The following NDST2 variants were observed in gnomAD, a reference collection of about 807,000 sequenced individuals.
NDST2 encodes the protein N-deacetylase and N-sulfotransferase 2, also known as bifunctional heparan sulfate N-deacetylase/N-sulfotransferase 2.
NDST2 carries 32 observed loss-of-function variants against 86.9 expected under a neutral mutation model. The observed-to-expected ratio is 0.37, with a 90% CI of 0.28 to 0.49. The LOEUF is 0.49. Among genes scored for constraint, NDST2 ranks in the 20% least tolerant of loss-of-function variants. The probability of loss-of-function intolerance (pLI) is 0.97; values close to 1 mark genes in which losing one functional copy is unlikely to be tolerated. For synonymous variants in NDST2, 409 were observed against 437.0 expected, an observed-to-expected ratio of 0.94 and a Z score of 0.80; for missense variants, 950 against 1,146.9, an observed-to-expected ratio of 0.83 and a Z score of 2.48.
chr10:73,803,519 T>TGGGGGGGGGGGGGGGGGG, intron 11 of NDST2, 55 bp downstream of exon 11: 1 of 565,894 alleles, frequency 1.8e-6, no homozygotes, highest in Non-Finnish European at 3.4e-6. Context: ...GCAGTCACTG[T>TGGGGGGGGGGGGGGGGGG]CCCCTCCCCC....
rs749563611 is a variant in NDST2, at chr10:73,802,424, A to G, written c.*27T>C. 1 of 1,611,822 alleles carries G rather than the reference A, an allele frequency of 6.2e-7. No homozygotes were observed. Among genetic ancestry groups the G allele is most frequent in the Non-Finnish European group, 8.5e-7 (1 of 1,179,886 alleles). On this transcript the variant is annotated 3_prime_UTR_variant, in exon 15 of 15. Transcript: ENST00000309979. ...CCTGCCCCTTAGGGAAGCAGGGGGC[A>G]TTTTGCTGGTATGGGAGGCTGGGAC...
chr10:73,805,235 G>A (rs535078100), intron 8 of NDST2, among the ~76,000 whole-genome samples: 1 of 151,924 alleles, frequency 6.6e-6, no homozygotes, highest in African/African-American at 2.4e-5. Context: ...CACCCCGGCT[G>A]GGCGCAGTGG....
rs1416250689 is a variant in NDST2 at position 73,807,795 on chromosome 10, C to A, written c.594G>T (p.Arg198=). 6.2e-7 allele frequency: 1 copy of A among 1,614,110 alleles called. No individual in the cohort carries two copies. Among genetic ancestry groups the A allele is most frequent in the Non-Finnish European group, 8.5e-7 (1 of 1,180,020 alleles). ...GGGCAGAAGGATTCACTTGGTAGTCCCGGAGCCCCAAGTTTGAGTGTAAAA... is the reference window on the plus strand; with the variant it reads ...GGGCAGAAGGATTCACTTGGTAGTCACGGAGCCCCAAGTTTGAGTGTAAAA... ...PLFLHSNLGL[R]DYQVNPSAPL... is the part of the protein sequence containing the mutation. The change falls in exon 3 of 15, where the codon CGG becomes CGT. Residue 198 remains arginine, a synonymous_variant. Coordinates refer to ENST00000309979, the MANE Select transcript of NDST2 (RefSeq NM_003635.4).
rs1354969811 is a variant in NDST2, at chr10:73,805,575, C to A, written c.1746+12G>T. The A allele has an allele frequency of 6.2e-7, 1 of 1,613,550 alleles. No individual in the cohort carries two copies. Among genetic ancestry groups the A allele is most frequent in the Admixed American group, 1.7e-5 (1 of 60,014 alleles). On this transcript the variant is annotated intron_variant, in intron 8 of 14. Transcript: ENST00000309979. ...CTATCATGTCTCTCATCAGACTGAG[C>A]TCCACCTTTACCTGCCAAAGGGGGC...
Position 73,808,150 on chromosome 10 carries a change from G to C in NDST2, c.239C>G (p.Thr80Arg), listed in dbSNP as rs757163423. The C allele has an allele frequency of 6.2e-7, 1 of 1,614,264 alleles. No individual in the cohort carries two copies. The highest frequency in any genetic ancestry group is 8.5e-7 in the Non-Finnish European group (1 of 1,180,042). ...VPPRPPRPPE[T>R]ARTEPVVLVF... ...AAGGACCACGGGTTCAGTTCGAGCT[G>C]TCTCTGGAGGCCTGGGGGGCCGAGG... Residue 80 changes from threonine to arginine, a missense_variant, in exon 3 of 15, where the codon ACA becomes AGA. Thr to Arg is a moderately conservative substitution (Grantham distance 71). Transcript: ENST00000309979. This position sits in a 1 kb window ranked among gnomAD's most constrained non-coding sequence, Gnocchi z 4.3.
In NDST2 at chr10:73,807,113, T is replaced by G. The variant is rs747038039; in HGVS notation, c.1088A>C (p.His363Pro). 6.2e-7 allele frequency: 1 copy of G among 1,613,502 alleles called. No individual in the cohort carries two copies. The highest frequency in any genetic ancestry group is 2.2e-5 in the East Asian group (1 of 44,860). ...GAGTAGGGGTATAAGCTCACCAGTATGATAGAACTTGCCCGAGAAGCCCAA... is the reference window on the plus strand; with the variant it reads ...GAGTAGGGGTATAAGCTCACCAGTAGGATAGAACTTGCCCGAGAAGCCCAA... Reference protein sequence around the residue: ...FNLGFSGKFYHTGTEEEDAGD... With the variant: ...FNLGFSGKFYPTGTEEEDAGD... The change falls in exon 4 of 15, where the codon CAT (histidine) becomes CCT (proline). Residue 363 changes from histidine to proline, a missense_variant. Around this residue, in one of 5 missense-constraint regions of NDST2, gnomAD observed 586 missense variants for 714.0 expected, o/e 0.82. Coordinates refer to ENST00000309979, the MANE Select transcript of NDST2 (RefSeq NM_003635.4).
rs1177765880 is a variant in NDST2, at chr10:73,810,872, G to A, written c.-415C>T. Reference sequence around the variant, plus strand: ...GTCAGGCCTGTCAAGCTCCAGAGCCGCGTTCTTAGCCGCTGCATTTTAGCT... The same window carrying A: ...GTCAGGCCTGTCAAGCTCCAGAGCCACGTTCTTAGCCGCTGCATTTTAGCT... On this transcript the variant is annotated 5_prime_UTR_variant, in exon 2 of 15. Coordinates refer to ENST00000309979, the MANE Select transcript of NDST2 (RefSeq NM_003635.4). 5.0e-6 allele frequency: 2 copies of A among 399,068 alleles called. No homozygotes were observed. Among genetic ancestry groups the A allele is most frequent in the Non-Finnish European group, 8.8e-6 (2 of 226,124 alleles). 24.7% of individuals were successfully genotyped at this position (399,068 alleles called of 1,614,324 possible).
At chr10:73,804,903 T>C (rs1215742569) in intron 8 of NDST2, 34 bp from the exon 9 acceptor site, 1 of 313,118 alleles carries the variant, frequency 3.2e-6, no homozygotes, top group Non-Finnish European at 5.0e-6. Flanking sequence ...ATAAGGCCTA[T>C]TTTTTTTTTT....
Position 73,805,604 on chromosome 10 carries a change from G to A in NDST2, c.1729C>T (p.Arg577Ter), listed in dbSNP as rs754863971. ...ACCTTTACCTGCCAAAGGGGGCTTC[G>A]CTCCTGAGGGAAAAGTTCAAAGTAC... ...QKYFELFPQE[R>*]SPLWQNPCDD... is the part of the protein sequence containing the mutation. The change falls in exon 8 of 15, where the codon CGA becomes TGA. Residue 577 changes from arginine to a stop codon, truncating the protein, a stop_gained. Transcript: ENST00000309979. LOFTEE classifies it high-confidence loss of function. 3 of 1,614,080 alleles carry A rather than the reference G, an allele frequency of 1.9e-6. No individual in the cohort carries two copies. The highest frequency in any genetic ancestry group is 3.3e-5 in the Admixed American group (2 of 60,016).
At position 73,808,371 on chromosome 10, in the gene NDST2, C is replaced by G; in HGVS notation, c.18G>C (p.Lys6Asn). Residue 6 changes from lysine to asparagine, a missense_variant, in exon 3 of 15, where the codon AAG becomes AAC. Around this residue, in one of 5 missense-constraint regions of NDST2, gnomAD observed 38 missense variants for 42.5 expected, o/e 0.89. Coordinates refer to ENST00000309979, the MANE Select transcript of NDST2 (RefSeq NM_003635.4). This position sits in a 1 kb window ranked among gnomAD's most constrained non-coding sequence, Gnocchi z 4.3. MLQLWKVVRPARQLEL... is the reference protein window; with the variant it reads MLQLWNVVRPARQLEL... ...CCAGCTGCCGAGCTGGGCGTACCAC[C>G]TTCCACAACTGGAGCATGGCGGGGG... 2 of 1,595,444 alleles carry G rather than the reference C, an allele frequency of 1.3e-6. No homozygotes were observed. Among genetic ancestry groups the G allele is most frequent in the East Asian group, 2.3e-5 (1 of 43,964 alleles).
At chr10:73,803,779 G>GA (rs2084051330) in intron 10 of NDST2, 31 bp from the exon 11 acceptor site, 1 of 1,613,668 alleles carries the variant, frequency 6.2e-7, no homozygotes. Flanking sequence ...GAGAGAAGCA[G>GA]AAAAATATGC....
Position 73,807,803 on chromosome 10 carries a change from C to T in NDST2, c.586G>A (p.Gly196Arg). The change falls in exon 3 of 15, where the codon GGG (glycine) becomes AGG (arginine). Residue 196 changes from glycine to arginine, a missense_variant. Gly to Arg is a moderately radical substitution (Grantham distance 125, BLOSUM62 -2). Coordinates refer to ENST00000309979, the MANE Select transcript of NDST2 (RefSeq NM_003635.4). The stretch of plus-strand genomic sequence containing the variant: ...GGATTCACTTGGTAGTCCCGGAGCC[C>T]CAAGTTTGAGTGTAAAAAAAGGGGA... The part of the protein sequence containing the change: ...GFPLFLHSNL[G>R]LRDYQVNPSA... The T allele has an allele frequency of 3.7e-6, 6 of 1,614,092 alleles. 1 individual carries two copies. In the South Asian group the frequency reaches 6.6e-5, roughly 18 times the overall value.
rs997667755 is a variant in NDST2, at chr10:73,803,308, C to T, written c.2194G>A (p.Val732Met). The part of the protein sequence containing the change: ...PVALNYTFYQ[V>M]ISASSQTPLA... ...GGGGTCTGGGAGGAGGCTGAAATCA[C>T]CTGATAGAAGGTATAGTTCAGAGCA... The change falls in exon 12 of 15, where the codon GTG becomes ATG. Residue 732 changes from valine to methionine, a missense_variant. This residue lies in a region of NDST2 where 303 missense variants were observed against 323.7 expected (regional missense o/e 0.94). Coordinates refer to ENST00000309979, the MANE Select transcript of NDST2 (RefSeq NM_003635.4). The T allele has an allele frequency of 1.9e-6, 3 of 1,614,024 alleles. No homozygotes were observed. The highest frequency in any genetic ancestry group is 1.6e-4 in the Middle Eastern group (1 of 6,084).
rs2084000076 is a variant in NDST2 at position 73,802,373 on chromosome 10, A to C, written c.*78T>G. The C allele has an allele frequency of 3.2e-6, 5 of 1,570,214 alleles. No individual in the cohort carries two copies. In the South Asian group the frequency reaches 4.5e-5, roughly 14 times the overall value. On this transcript the variant is annotated 3_prime_UTR_variant, in exon 15 of 15. Transcript: ENST00000309979. ...GAGGGGGAGGGGCCAGGCCACTCTA[A>C]TCCCCCTTGTGGGCCCTGCTCTGGA...
Position 73,807,190 on chromosome 10 carries a change from C to A in NDST2, c.1011G>T (p.Leu337=), listed in dbSNP as rs377669248. 1 of 1,613,746 alleles carries A rather than the reference C, an allele frequency of 6.2e-7. No homozygotes were observed. The highest frequency in any genetic ancestry group is 8.5e-7 in the Non-Finnish European group (1 of 1,179,898). The change falls in exon 4 of 15, where the codon CTG becomes CTT. Residue 337 remains leucine (L), a synonymous_variant. Coordinates refer to ENST00000309979, the MANE Select transcript of NDST2 (RefSeq NM_003635.4). Reference sequence around the variant, plus strand: ...TCCTGAGTTTGTTCTGGGTGGTCAACAGAGCCTGGGAAGAGTAGCAGGGAC... The same window carrying A: ...TCCTGAGTTTGTTCTGGGTGGTCAAAAGAGCCTGGGAAGAGTAGCAGGGAC... The part of the protein sequence containing the change: ...TRMKVADVEA[L]LTTQNKLRTL...
Position 73,808,055 on chromosome 10 carries a change from G to A in NDST2, c.334C>T (p.Arg112Cys). 1 of 1,614,040 alleles carries A rather than the reference G, an allele frequency of 6.2e-7. No individual in the cohort carries two copies. The highest frequency in any genetic ancestry group is 8.5e-7 in the Non-Finnish European group (1 of 1,180,040). ...CCAGGTGCCAACTCAGTGCTATAAC[G>A]AAAACGACTAGACTCCAGGATGGCC... ...IVAILESSRF[R>C]YSTELAPGRG... Residue 112 changes from arginine (R) to cysteine (C), a missense_variant, in exon 3 of 15, where the codon CGT becomes TGT. By Grantham distance (180) the Arg-to-Cys change is radical. Around this residue, in one of 5 missense-constraint regions of NDST2, gnomAD observed 586 missense variants for 714.0 expected, o/e 0.82. Coordinates refer to ENST00000309979, the MANE Select transcript of NDST2 (RefSeq NM_003635.4). The surrounding 1 kb of genome is among the most constrained non-coding windows in gnomAD (Gnocchi z 4.3).
Position 73,802,719 on chromosome 10 carries a change from A to G in NDST2, c.2481T>C (p.Cys827=), listed in dbSNP as rs748641318. 2 of 1,614,172 alleles carry G rather than the reference A, an allele frequency of 1.2e-6. No individual in the cohort carries two copies. Among genetic ancestry groups the G allele is most frequent in the South Asian group, 2.2e-5 (2 of 91,082 alleles). Residue 827 remains cysteine (C), a synonymous_variant, in exon 14 of 15, where the codon TGT becomes TGC. Coordinates refer to ENST00000309979, the MANE Select transcript of NDST2 (RefSeq NM_003635.4). ...ACCTCCGGCCTTTGCTCCGGCCTAG[A>G]CAGCGAGTCTTACCACCTTCAAGTC... ...CQGLEGGKTR[C]LGRSKGRRYP... is the part of the protein sequence containing the mutation.
Position 73,807,469 on chromosome 10 carries a change from A to G in NDST2, c.920T>C (p.Leu307Pro). 1 of 1,614,248 alleles carries G rather than the reference A, an allele frequency of 6.2e-7. No individual in the cohort carries two copies. The highest frequency in any genetic ancestry group is 8.5e-7 in the Non-Finnish European group (1 of 1,180,048). ...VAYLTGKRLC[L>P]DLDRYILVDI... ...TACCAAGATGTAGCGGTCAAGGTCC[A>G]GGCAGAGGCGCTTGCCAGTGAGGTA... The change falls in exon 3 of 15, where the codon CTG (leucine) becomes CCG (proline). Residue 307 changes from leucine (L) to proline (P), a missense_variant. Leu to Pro is a moderately conservative substitution (Grantham distance 98). Around this residue, in one of 5 missense-constraint regions of NDST2, gnomAD observed 586 missense variants for 714.0 expected, o/e 0.82. Coordinates refer to ENST00000309979, the MANE Select transcript of NDST2 (RefSeq NM_003635.4).
rs369402462 is a variant in NDST2, at chr10:73,803,256, C to T, written c.2246G>A (p.Arg749His). 4.1e-5 allele frequency: 66 copies of T among 1,614,016 alleles called. No homozygotes were observed. The highest frequency in any genetic ancestry group is 1.5e-4 in the African/African-American group (11 of 74,902). ...TPLALRSLQN[R>H]CLVPGYYSTH... ...AGAATAGTAGCCAGGGACAAGACAG[C>T]GGTTCTGCAGGGAGCGTAGTGCCAG... The change falls in exon 12 of 15, where the codon CGC becomes CAC. Residue 749 changes from arginine to histidine, a missense_variant. By Grantham distance (29) the Arg-to-His change is conservative (BLOSUM62 0). This residue lies in a region of NDST2 where 303 missense variants were observed against 323.7 expected (regional missense o/e 0.94). Coordinates refer to ENST00000309979, the MANE Select transcript of NDST2 (RefSeq NM_003635.4).
Sources: allele counts gnomAD v4.1 joint callset (sites outside exome capture counted in the v4.1 genomes callset), GRCh38; gene constraint gnomAD v4.1.1; regional missense constraint gnomAD v4.1.1; non-coding constraint Gnocchi (gnomAD v3.1); transcripts MANE v1.5; gene names NCBI Gene and HGNC (gene_info 2026-07-23, HGNC 2026-07-21).